The following C16orf92 variants were observed in gnomAD, a reference collection of about 807,000 sequenced individuals.
The protein encoded by C16orf92 is fertilization-influencing membrane protein 1.
In C16orf92, 14 loss-of-function variants were observed where a neutral mutation model predicts 13.7. The ratio of observed to expected loss-of-function variants is 1.02; its 90% CI spans 0.67 to 1.60. The LOEUF (loss-of-function observed/expected upper bound fraction) is 1.60. Among genes scored for constraint, C16orf92 ranks in the 40% most tolerant of loss-of-function variants. The probability of loss-of-function intolerance (pLI) is 0.00; values close to 1 mark genes in which losing one functional copy is unlikely to be tolerated. For missense variants in C16orf92, 116 were observed against 139.0 expected, an observed-to-expected ratio of 0.83 and a Z score of 0.83; for synonymous variants, 50 against 57.4, an observed-to-expected ratio of 0.87 and a Z score of 0.58.
downstream of C16orf92, among the ~76,000 whole-genome samples, chr16:30,026,300 C>T (rs1417000592): frequency 6.6e-6 from 1 of 152,124 alleles, no homozygotes; most frequent in Non-Finnish European, 1.5e-5. Flanking sequence ...CTGCATCCCT[C>T]TCACGGTCCT....
downstream of C16orf92, chr16:30,025,181 C>T (rs1156976738): frequency 4.1e-6 from 6 of 1,450,408 alleles, no homozygotes; most frequent in Non-Finnish European, 5.4e-6. The surrounding 1 kb of genome is among the most constrained non-coding windows in gnomAD (Gnocchi z 4.1). Flanking sequence ...CGGCCCCCGG[C>T]CTCAGTCCTG....
At chr16:30,027,656 A>G (rs1268720361), downstream of C16orf92, 4 of 455,998 alleles carry the variant, frequency 8.8e-6, no homozygotes, top group African/African-American at 8.0e-5. Flanking sequence ...AAGGACAAAG[A>G]AAGTTCCATG....
chr16:30,027,461 C>T (rs2071198529), downstream of C16orf92: 1 of 420,962 alleles, frequency 2.4e-6, no homozygotes, highest in Admixed American at 2.6e-5. Flanking sequence ...GGCTCCACAG[C>T]CCTCACTGTC....
downstream of C16orf92, chr16:30,027,515 C>T: frequency 2.2e-6 from 1 of 451,592 alleles, no homozygotes; most frequent in Non-Finnish European, 4.5e-6. Flanking sequence ...CAGAGACAGA[C>T]CCTGTTGGCA....
At position 30,023,760 on chromosome 16, in the gene C16orf92, T is replaced by G. The variant is rs1438527088; in HGVS notation, c.98T>G (p.Leu33Arg). 1 of 1,614,094 alleles carries G rather than the reference T, an allele frequency of 6.2e-7. No individual in the cohort carries two copies. The highest frequency in any genetic ancestry group is 8.5e-7 in the Non-Finnish European group (1 of 1,179,976). ...CCCAAGCGTGCCACGGCGTCAGCCC[T>G]GGGGACAGAGTCTCCGCGCTTCTTA... ...PRPKRATASA[L>R]GTESPRFLDR... Residue 33 changes from leucine (L) to arginine (R), a missense_variant, in exon 2 of 4, where the codon CTG becomes CGG. By Grantham distance (102) the Leu-to-Arg change is moderately radical. Transcript: ENST00000681219.
In C16orf92 at chr16:30,024,162, G is replaced by A. The variant is rs151322638; in HGVS notation, c.312-44G>A. 1,901 of 1,612,988 alleles carry A rather than the reference G, an allele frequency of 1.2e-3. 21 individuals carry two copies. The African/African-American group carries it at 0.022, about 19-fold the overall frequency. On this transcript the variant is annotated intron_variant, in intron 3 of 3. Coordinates refer to ENST00000681219, the MANE Select transcript of C16orf92 (RefSeq NM_001109659.2). ...AGCGGCTGAAGACCCCAGTTCTAGCGGGGCAGGCTGTGACCTCTCCCCTCT... is the reference window on the plus strand; with the variant it reads ...AGCGGCTGAAGACCCCAGTTCTAGCAGGGCAGGCTGTGACCTCTCCCCTCT...
At chr16:30,026,802 TAGGGC>T, downstream of C16orf92, 2 of 1,613,958 alleles carry the variant, frequency 1.2e-6, no homozygotes, top group Non-Finnish European at 1.7e-6. Context: ...GTAGATGAAG[TAGGGC>T]ACAGCAAATT....
At chr16:30,023,587 G>A in intron 1 of C16orf92, 140 bp from the exon 2 acceptor site, 2 of 1,515,500 alleles carry the variant, frequency 1.3e-6, no homozygotes, top group South Asian at 2.4e-5. Context: ...GCACCCAGCT[G>A]ACCCTGAGGG....
downstream of C16orf92, chr16:30,025,510 C>T (rs200499500): frequency 5.2e-5 from 83 of 1,604,828 alleles, no homozygotes; most frequent in Non-Finnish European, 6.0e-5. The surrounding 1 kb of genome is among the most constrained non-coding windows in gnomAD (Gnocchi z 4.1). Context: ...CAGAAGGGCT[C>T]GGCCCCCCTT....
At position 30,024,220 on chromosome 16, in the gene C16orf92, G is replaced by T. The variant is rs373854157; in HGVS notation, c.326G>T (p.Gly109Val). 6 of 1,614,058 alleles carry T rather than the reference G, an allele frequency of 3.7e-6. 1 individual carries two copies. In the Admixed American group the frequency reaches 1.0e-4, roughly 27 times the overall value. ...ATGCCCCACAGAAACTTCCAGAAAG[G>T]GGCCTAAAGAGCCGGACAAGGGCTC... ...QFCTHINFQKGA is the reference protein window; with the variant it reads ...QFCTHINFQKVA Residue 109 changes from glycine (G) to valine (V), a missense_variant, in exon 4 of 4, where the codon GGG (glycine) becomes GTG (valine). By Grantham distance (109) the Gly-to-Val change is moderately radical (BLOSUM62 -3). Transcript: ENST00000681219.
At chr16:30,026,181 G>A (rs1037825936), downstream of C16orf92, among the ~76,000 whole-genome samples, 1 of 150,274 alleles carries the variant, frequency 6.7e-6, no homozygotes, top group African/African-American at 2.5e-5. Flanking sequence ...GTTTCAGTGA[G>A]CCGAGATCAC....
downstream of C16orf92, chr16:30,026,769 C>G: frequency 1.2e-6 from 2 of 1,614,146 alleles, no homozygotes; most frequent in Non-Finnish European, 1.7e-6. Context: ...GTGCCAGTGA[C>G]AGAGGAACAT....
downstream of C16orf92, chr16:30,026,913 A>C: frequency 1.5e-4 from 190 of 1,305,480 alleles, no homozygotes; most frequent in Non-Finnish European, 1.9e-4. Flanking sequence ...GTCAGATCTC[A>C]GGGGTCAGCA....
intron 1 of C16orf92, 99 bp downstream of exon 1, chr16:30,023,503 C>A (rs2070947414): frequency 5.0e-6 from 7 of 1,402,620 alleles, no homozygotes. Flanking sequence ...TGCACCCTCT[C>A]ATTTTCTCTC....
At chr16:30,026,926 G>T, downstream of C16orf92, 2 of 1,194,228 alleles carry the variant, frequency 1.7e-6, no homozygotes, top group Non-Finnish European at 2.4e-6. Context: ...GGTCAGCACA[G>T]CAGCCCTGGA....
At chr16:30,026,184 G>T (rs893247855), downstream of C16orf92, among the ~76,000 whole-genome samples, 13 of 151,224 alleles carry the variant, frequency 8.6e-5, no homozygotes, top group Admixed American at 1.3e-4. Flanking sequence ...TCAGTGAGCC[G>T]AGATCACACC....
At chr16:30,025,146 G>C (rs554564509), downstream of C16orf92, 1 of 1,298,696 alleles carries the variant, frequency 7.7e-7, no homozygotes, top group Non-Finnish European at 1.0e-6. This position sits in a 1 kb window ranked among gnomAD's most constrained non-coding sequence, Gnocchi z 4.1. Context: ...CTCCACGGGG[G>C]TGGGGGTGGG....
downstream of C16orf92, chr16:30,025,575 A>AC (rs1567295576): frequency 2.0e-6 from 3 of 1,521,016 alleles, no homozygotes; most frequent in Non-Finnish European, 1.8e-6. The surrounding 1 kb of genome is among the most constrained non-coding windows in gnomAD (Gnocchi z 4.1). Context: ...CAAACCAGAC[A>AC]CTTTGCCAGG....
At chr16:30,027,473 TC>T, downstream of C16orf92, 1 of 431,646 alleles carries the variant, frequency 2.3e-6, no homozygotes, top group Non-Finnish European at 4.7e-6. Context: ...CTCACTGTCA[TC>T]CCCACCATCC....
Sources: allele counts gnomAD v4.1 joint callset (sites outside exome capture counted in the v4.1 genomes callset), GRCh38; gene constraint gnomAD v4.1.1; non-coding constraint Gnocchi (gnomAD v3.1); transcripts MANE v1.5; gene names NCBI Gene and HGNC (gene_info 2026-07-23, HGNC 2026-07-21).